The following ARHGEF3 variants were observed in gnomAD, a reference collection of about 807,000 sequenced individuals.
The protein encoded by ARHGEF3 is Rho guanine nucleotide exchange factor 3, also known as 59.8 kDA protein.
Under a neutral mutation model 63.2 loss-of-function variants are expected in ARHGEF3, and 28 were observed. The ratio of observed to expected loss-of-function variants is 0.44; its 90% confidence interval spans 0.33 to 0.61. ARHGEF3 has a LOEUF of 0.61. ARHGEF3 is among the 20% of genes least tolerant of loss of function. The pLI is 0.03. For synonymous variants in ARHGEF3, 266 were observed against 254.2 expected (o/e 1.05, Z -0.44); for missense variants, 533 against 659.3 (o/e 0.81, Z 2.10).
chr3:56,768,681 A>G (rs1461547825), intron 2 of ARHGEF3, among the ~76,000 whole-genome samples: 16 of 149,802 alleles, frequency 1.1e-4, no homozygotes, highest in Admixed American at 2.0e-4. Context: ...AAAAAAAAAA[A>G]AAGAAGAAGA....
In ARHGEF3 at chr3:56,964,712, G is replaced by A. The variant is rs372699420; in HGVS notation, c.63-5823C>T. Among the ~76,000 whole-genome samples the A allele has an allele frequency of 7.9e-5, 12 of 152,096 alleles. 1 individual carries two copies. Among genetic ancestry groups the A allele is most frequent in the African/African-American group, 2.2e-4 (9 of 41,466 alleles). On this transcript the variant is annotated intron_variant, in intron 2 of 12. Coordinates refer to the ARHGEF3 transcript ENST00000338458. ...TTTTTAAGTGGTAGTGAGGAGTGCC[G>A]CAGGGTCTCGACCAAAGTTTGAGGA...
intron 4 of ARHGEF3, among the ~76,000 whole-genome samples, chr3:56,852,327 T>C (rs751301478): frequency 3.3e-5 from 5 of 152,228 alleles, no homozygotes; most frequent in Non-Finnish European, 7.3e-5. Context: ...ATTTCTTAGA[T>C]GATTTCATCT....
chr3:56,818,948 A>G (rs1283157784), intron 4 of ARHGEF3, among the ~76,000 whole-genome samples: 2 of 152,228 alleles, frequency 1.3e-5, no homozygotes, highest in East Asian at 3.8e-4. Context: ...AAACAGCAGA[A>G]GTCCTTTCTT....
At chr3:56,828,854 T>C (rs2038829863) in intron 4 of ARHGEF3, among the ~76,000 whole-genome samples, 2 of 152,146 alleles carry the variant, frequency 1.3e-5, no homozygotes, top group Non-Finnish European at 2.9e-5. Flanking sequence ...AGAGATCCCT[T>C]GTATGGTTGT....
intron 2 of ARHGEF3, among the ~76,000 whole-genome samples, chr3:56,967,114 C>A (rs1230061710): frequency 1.4e-5 from 2 of 147,940 alleles, no homozygotes; most frequent in Admixed American, 1.4e-4. Context: ...CTGCCTGCCT[C>A]GGCCTCCGAA....
At chr3:56,884,627 G>T (rs773492623) in intron 3 of ARHGEF3, among the ~76,000 whole-genome samples, 1 of 152,224 alleles carries the variant, frequency 6.6e-6, no homozygotes, top group Non-Finnish European at 1.5e-5. Flanking sequence ...AGCTCACCCA[G>T]TGACTTTTAG....
At chr3:56,869,520 T>A (rs1409212908) in intron 4 of ARHGEF3, among the ~76,000 whole-genome samples, 1 of 152,176 alleles carries the variant, frequency 6.6e-6, no homozygotes, top group Admixed American at 6.5e-5. Flanking sequence ...TCAGTGTCCG[T>A]CAAGTAATGT....
At chr3:56,897,039 C>T (rs549863172) in intron 3 of ARHGEF3, among the ~76,000 whole-genome samples, 70 of 152,310 alleles carry the variant, frequency 4.6e-4, no homozygotes, top group Admixed American at 1.3e-3. Flanking sequence ...TGTCCACTGA[C>T]GATTTTTCAA....
chr3:56,802,126 C>T (rs1051209330), upstream of ARHGEF3, among the ~76,000 whole-genome samples: 4 of 152,142 alleles, frequency 2.6e-5, no homozygotes, highest in African/African-American at 7.2e-5. Context: ...AGGGACCTCT[C>T]TCTCCCCGCT....
rs200289994 is a variant in ARHGEF3, at chr3:56,969,235, CT to C, written c.63-10347del. Among the ~76,000 whole-genome samples the C allele has an allele frequency of 2.0e-3, 292 of 148,524 alleles. 9 individuals are homozygous for C. Among genetic ancestry groups the C allele is most frequent in the African/African-American group, 6.7e-3 (275 of 40,786 alleles). ...TGCATAGTTTGCAAATAATATAGGA[CT>C]ACCCTATTCAAAACAATTCCAGAAT... On this transcript the variant is annotated intron_variant, in intron 2 of 12. Coordinates refer to the ARHGEF3 transcript ENST00000338458.
At chr3:56,915,024 T>C in intron 3 of ARHGEF3, among the ~76,000 whole-genome samples, 1 of 151,480 alleles carries the variant, frequency 6.6e-6, no homozygotes, top group Non-Finnish European at 1.5e-5. Flanking sequence ...TTTACCACAA[T>C]AAAAAAAATT....
chr3:57,003,558 C>A (rs1473192071), intron 2 of ARHGEF3, among the ~76,000 whole-genome samples: 2 of 152,104 alleles, frequency 1.3e-5, no homozygotes, highest in South Asian at 4.1e-4. Flanking sequence ...TGAATAATGG[C>A]CCCCAAAAGA....
chr3:56,740,176 G>A (rs2033922988), intron 7 of ARHGEF3, among the ~76,000 whole-genome samples: 1 of 133,006 alleles, frequency 7.5e-6, no homozygotes, highest in Admixed American at 8.0e-5. Flanking sequence ...GGGATTACAG[G>A]CATGAGCCAC....
chr3:56,996,538 A>C (rs1003960659), intron 2 of ARHGEF3, among the ~76,000 whole-genome samples: 1 of 152,210 alleles, frequency 6.6e-6, no homozygotes, highest in Non-Finnish European at 1.5e-5. Flanking sequence ...ATGAGGACAC[A>C]GTGAGAAGGC....
At chr3:56,818,742 C>G (rs2038360508) in intron 4 of ARHGEF3, among the ~76,000 whole-genome samples, 1 of 152,140 alleles carries the variant, frequency 6.6e-6, no homozygotes, top group Non-Finnish European at 1.5e-5. Context: ...ATCCTACGCG[C>G]TTGGAATATG....
chr3:56,853,460 C>T (rs2039746911), intron 4 of ARHGEF3, among the ~76,000 whole-genome samples: 1 of 152,182 alleles, frequency 6.6e-6, no homozygotes, highest in African/African-American at 2.4e-5. Flanking sequence ...CCTCAGCCTC[C>T]CAAGTAGCTG....
At chr3:57,015,750 C>A (rs550723457) in intron 2 of ARHGEF3, among the ~76,000 whole-genome samples, 77 of 152,036 alleles carry the variant, frequency 5.1e-4, no homozygotes, top group Non-Finnish European at 9.9e-4. Flanking sequence ...CCTTAAAATT[C>A]TTTTTCTTGA....
At chr3:56,967,939 ATAT>A (rs1449689236) in intron 2 of ARHGEF3, among the ~76,000 whole-genome samples, 1 of 64,256 alleles carries the variant, frequency 1.6e-5, no homozygotes, top group Non-Finnish European at 2.6e-5. Flanking sequence ...AATATAAAAT[ATAT>A]TATATATTAT....
intron 1 of ARHGEF3, among the ~76,000 whole-genome samples, chr3:56,788,717 A>C (rs567803048): frequency 6.6e-6 from 1 of 152,006 alleles, no homozygotes; most frequent in Non-Finnish European, 1.5e-5. Flanking sequence ...CCTCAGGACA[A>C]CTTGCTCCCT....
Sources: gnomAD v4.1 joint callset for allele counts (sites outside exome capture counted in the v4.1 genomes callset) on GRCh38, gnomAD v4.1.1 for gene constraint, MANE v1.5 for transcripts, NCBI Gene and HGNC (gene_info 2026-07-23, HGNC 2026-07-21) for gene names.